FMR1: variants seen among roughly 807,000 people sequenced by gnomAD.
The protein encoded by FMR1 is FMRP translational regulator 1.
In FMR1, 13 loss-of-function variants were observed where a neutral mutation model predicts 50.6. The ratio of observed to expected loss-of-function variants is 0.26; its 90% CI spans 0.17 to 0.41. The LOEUF is 0.41. FMR1 is among the 10% of genes least tolerant of loss of function. The probability of loss-of-function intolerance (pLI) is 1.00; values close to 1 mark genes in which losing one functional copy is unlikely to be tolerated. For synonymous variants in FMR1, 138 were observed against 164.1 expected (o/e 0.84, Z 1.22); for missense variants, 316 against 491.3 (o/e 0.64, Z 3.37).
chrX:147,926,167 A>G (rs2043379804), intron 3 of FMR1, among the ~76,000 whole-genome samples: 1 of 111,748 alleles, frequency 8.9e-6, no homozygotes, highest in Admixed American at 9.5e-5. Flanking sequence ...GAGCTCTTTG[A>G]CCAAAATGTG....
chrX:147,919,303 A>G (rs1557175978), intron 1 of FMR1, among the ~76,000 whole-genome samples: 1 of 111,631 alleles, frequency 9.0e-6, no homozygotes, highest in Non-Finnish European at 1.9e-5. Context: ...CCCATTCTCC[A>G]TAATTTTTAC....
In FMR1 at chrX:147,944,638, A is replaced by C; in HGVS notation, c.1472-231A>C. ...GGTGGCTAATAACATACCTTTTTAA[A>C]AATGAGAATGAAACATGTTTATAAC... On this transcript the variant is annotated intron_variant, in intron 14 of 16. Transcript: ENST00000370475. 3 of 1,038,480 alleles carry C rather than the reference A, an allele frequency of 2.9e-6. No individual in the cohort carries two copies. The South Asian group carries it at 8.4e-5, about 29-fold the overall frequency. 85.6% of individuals were successfully genotyped at this position (1,038,480 alleles called of 1,213,427 possible).
Position 147,930,159 on chromosome X carries a change from A to G in FMR1, c.545A>G (p.His182Arg), listed in dbSNP as rs1217826747. 5.0e-6 allele frequency: 6 copies of G among 1,206,762 alleles called. No individual in the cohort carries two copies. Among genetic ancestry groups the G allele is most frequent in the South Asian group, 1.8e-5 (1 of 56,753 alleles). ...AATGAAGTCACCTCAAAGCGAGCAC[A>G]TATGCTGATTGACATGCACTTTCGG... ...SINEVTSKRA[H>R]MLIDMHFRSL... The change falls in exon 7 of 17, where the codon CAT (histidine) becomes CGT (arginine). Residue 182 changes from histidine to arginine, a missense_variant. By Grantham distance (29) the His-to-Arg change is conservative. Transcript: ENST00000370475.
intron 9 of FMR1, chrX:147,933,523 T>C: frequency 1.1e-6 from 1 of 921,666 alleles, no homozygotes; most frequent in Non-Finnish European, 1.4e-6. Flanking sequence ...TGAGTAGTGT[T>C]TTATCACCAT....
At position 147,950,011 on chromosome X, in the gene FMR1, C is replaced by T. The variant is rs988841689; in HGVS notation, c.*1167C>T. 6 of 314,119 alleles carry T rather than the reference C, an allele frequency of 1.9e-5. No homozygotes were observed. The highest frequency in any genetic ancestry group is 1.7e-4 in the African/African-American group (6 of 36,214). The allele number at this position is 314,119 out of a possible 1,213,427, so 25.9% of individuals were successfully genotyped here. A position where few individuals can be genotyped will look rare whatever the true frequency, so the allele number is the denominator to read the frequency against. On this transcript the variant is annotated 3_prime_UTR_variant, in exon 17 of 17. Coordinates refer to ENST00000370475, the MANE Select transcript of FMR1 (RefSeq NM_002024.6). ...ATTGGAAAAGACTAAGATCGGTTAACAAATAACAACTTTTTTTTCTTTTTT... is the reference window on the plus strand; with the variant it reads ...ATTGGAAAAGACTAAGATCGGTTAATAAATAACAACTTTTTTTTCTTTTTT...
intron 7 of FMR1, among the ~76,000 whole-genome samples, chrX:147,931,205 T>C (rs1428884257): frequency 8.9e-6 from 1 of 111,929 alleles, no homozygotes; most frequent in African/African-American, 3.2e-5. Context: ...CAGAGCTGCC[T>C]CCTTACTTTG....
chrX:147,920,676 G>A (rs1024755614), intron 1 of FMR1, among the ~76,000 whole-genome samples: 1 of 111,750 alleles, frequency 8.9e-6, no homozygotes, highest in Non-Finnish European at 1.9e-5. Flanking sequence ...TGAGAAAATG[G>A]GCTATAATAA....
At chrX:147,922,670 C>T (rs970376277) in intron 2 of FMR1, among the ~76,000 whole-genome samples, 7 of 111,623 alleles carry the variant, frequency 6.3e-5, no homozygotes, top group Non-Finnish European at 1.3e-4. Flanking sequence ...ATATAAACTC[C>T]TTAGTCAAAG....
intron 16 of FMR1, among the ~76,000 whole-genome samples, chrX:147,946,562 C>A (rs1957186766): frequency 8.9e-6 from 1 of 112,502 alleles, no homozygotes; most frequent in South Asian, 3.7e-4. Context: ...CTCATTTAAT[C>A]TTACAGCAAC....
At chrX:147,944,039 G>T in intron 14 of FMR1, 1 of 308,089 alleles carries the variant, frequency 3.2e-6, no homozygotes, top group Non-Finnish European at 4.3e-6. Context: ...AGCTATAATT[G>T]GTCATTAGCT....
intron 16 of FMR1, among the ~76,000 whole-genome samples, chrX:147,946,107 C>A (rs2044161863): frequency 9.1e-6 from 1 of 109,894 alleles, no homozygotes; most frequent in African/African-American, 3.3e-5. Flanking sequence ...GAACTCCCAA[C>A]CTCAGGTGAT....
rs1182875085 is a variant in FMR1, at chrX:147,912,054, CGGCGGCGGCGGCGGCGGCGGCGGCGGA to C, written c.-99_-73del. The C allele has an allele frequency of 5.7e-4, 72 of 127,118 alleles. No homozygotes were observed. Among genetic ancestry groups the C allele is most frequent in the Non-Finnish European group, 8.5e-4 (63 of 74,323 alleles). The allele number at this position is 127,118 out of a possible 1,213,427, so 10.5% of individuals were successfully genotyped here. On this transcript the variant is annotated 5_prime_UTR_variant, in exon 1 of 17. Transcript: ENST00000370475. ...TGCCAGGGGGCGTGCGGCAGCGCGGCGGCGGCGGCGGCGGCGGCGGCGGCGGAGGCGGCGGCGGCGGCGGCGGCGGCG... is the reference window on the plus strand; with the variant it reads ...TGCCAGGGGGCGTGCGGCAGCGCGGCGGCGGCGGCGGCGGCGGCGGCGGCG...
chrX:147,923,477 G>C (rs1231301106), intron 2 of FMR1, among the ~76,000 whole-genome samples: 1 of 108,875 alleles, frequency 9.2e-6, no homozygotes, highest in Non-Finnish European at 1.9e-5. Flanking sequence ...CATAAAGGGA[G>C]AGTTGTCTTT....
In FMR1 at chrX:147,938,098, G is replaced by C. The variant is rs199745848; in HGVS notation, c.1126-1G>C. ...CCCTTGCATTCCTTATACTGCTTTA[G>C]GTGTTAGTGGCTTCATCAGTTGTAG... is the stretch of plus-strand genomic sequence containing the variant. On this transcript the variant is annotated splice_acceptor_variant, in intron 11 of 16. Coordinates refer to ENST00000370475, the MANE Select transcript of FMR1 (RefSeq NM_002024.6). LOFTEE classifies it high-confidence loss of function. 1.2e-5 allele frequency: 14 copies of C among 1,203,301 alleles called. No homozygotes were observed. The highest frequency in any genetic ancestry group is 1.7e-5 in the African/African-American group (1 of 57,695).
intron 2 of FMR1, among the ~76,000 whole-genome samples, chrX:147,924,515 A>T (rs5904814): frequency 0.4 from 35,317 of 88,077 alleles, 5,828 homozygotes; most frequent in African/African-American, 0.55. Context: ...ATATATATAT[A>T]TTTTTTTTTT....
intron 2 of FMR1, among the ~76,000 whole-genome samples, chrX:147,922,462 G>A (rs2043213746): frequency 9.0e-6 from 1 of 111,277 alleles, no homozygotes; most frequent in Non-Finnish European, 1.9e-5. Flanking sequence ...TTCAGCAATA[G>A]CAGTAGCTGA....
intron 1 of FMR1, chrX:147,914,229 TCAGA>T (rs570863789): frequency 1.8e-5 from 2 of 112,709 alleles, no homozygotes; most frequent in South Asian, 7.1e-4. Context: ...CAAGTGTGTG[TCAGA>T]CAAATTGCTG....
intron 9 of FMR1, among the ~76,000 whole-genome samples, chrX:147,934,461 A>T (rs2043719330): frequency 9.0e-6 from 1 of 111,342 alleles, no homozygotes; most frequent in Non-Finnish European, 1.9e-5. Flanking sequence ...AAATTGGAAG[A>T]TATAGTAGGG....
intron 3 of FMR1, chrX:147,928,011 T>C (rs1377691722): frequency 1.4e-5 from 3 of 214,970 alleles, no homozygotes; most frequent in Admixed American, 1.3e-4. Context: ...ACTTGCTGAG[T>C]ACCCAAGGAA....
Sources: allele counts gnomAD v4.1 joint callset (sites outside exome capture counted in the v4.1 genomes callset), GRCh38; gene constraint gnomAD v4.1.1; transcripts MANE v1.5; gene names NCBI Gene and HGNC (gene_info 2026-07-23, HGNC 2026-07-21).